Variants in ADGRV1 observed in about 807,000 individuals in gnomAD.
The protein encoded by ADGRV1 is adhesion G protein-coupled receptor V1, also known as G-protein coupled receptor 98.
A neutral mutation model predicts 596.2 loss-of-function variants in ADGRV1; 359 were observed. The observed-to-expected ratio is 0.60, with a 90% CI of 0.55 to 0.66. The LOEUF (loss-of-function observed/expected upper bound fraction) is 0.66, where lower values mean the gene tolerates loss of function less well. Ranked by LOEUF, ADGRV1 falls within the 30% of genes least tolerant of loss-of-function variation. ADGRV1 has a pLI of 0.00. For missense variants in ADGRV1, 7,274 were observed against 7,575.6 expected (o/e 0.96, Z 1.48); for synonymous variants, 2,681 against 2,679.2 (o/e 1.00, Z -0.02).
chr5:90,664,455 A>G (rs960442894), intron 21 of ADGRV1, among the ~76,000 whole-genome samples: 2 of 151,494 alleles, frequency 1.3e-5, no homozygotes, highest in African/African-American at 4.9e-5. Flanking sequence ...ATTTTTGTAC[A>G]TTGATTTTGT....
chr5:90,830,953 T>G (rs7732226), intron 77 of ADGRV1, among the ~76,000 whole-genome samples: 5,869 of 152,232 alleles, frequency 0.039, 400 homozygotes, highest in African/African-American at 0.13. Context: ...GAATTTTTCC[T>G]GTCTGATAGG....
At chr5:90,830,375 A>G (rs1343093489) in intron 77 of ADGRV1, among the ~76,000 whole-genome samples, 1 of 152,188 alleles carries the variant, frequency 6.6e-6, no homozygotes, top group Non-Finnish European at 1.5e-5. Flanking sequence ...AAGATAAATT[A>G]TAGAAGTCTG....
intron 78 of ADGRV1, among the ~76,000 whole-genome samples, chr5:90,842,892 A>G (rs1765555871): frequency 6.6e-6 from 1 of 152,162 alleles, no homozygotes; most frequent in Non-Finnish European, 1.5e-5. Flanking sequence ...CCTTTTTTAT[A>G]TGTACATCAA....
chr5:90,926,432 A>T (rs1481331344), intron 83 of ADGRV1, among the ~76,000 whole-genome samples: 1 of 148,308 alleles, frequency 6.7e-6, no homozygotes, highest in African/African-American at 2.5e-5. Flanking sequence ...AGGTGTTTGT[A>T]GTATTCTCTG....
chr5:90,781,406 T>C (rs1183839613), intron 64 of ADGRV1, 24 bp from the exon 65 acceptor site: 6 of 1,544,608 alleles, frequency 3.9e-6, no homozygotes, highest in Non-Finnish European at 5.3e-6. Flanking sequence ...TTTTATTTTA[T>C]TTTGATTTGT....
chr5:90,683,366 G>A (rs1270781485), intron 27 of ADGRV1, among the ~76,000 whole-genome samples: 2 of 151,988 alleles, frequency 1.3e-5, no homozygotes, highest in Non-Finnish European at 2.9e-5. Flanking sequence ...ATGTGCCACT[G>A]CACTCGGCAT....
chr5:90,931,721 T>G (rs1775269481), intron 83 of ADGRV1, among the ~76,000 whole-genome samples: 2 of 152,224 alleles, frequency 1.3e-5, no homozygotes, highest in South Asian at 4.1e-4. Context: ...TTAATAATGG[T>G]TAATTCCTAC....
In ADGRV1 at chr5:90,983,384, A is replaced by G. The variant is rs535741218; in HGVS notation, c.17974-1960A>G. ...AAGCAGACATTTTGAAAATGTCTCA[A>G]TCTTTATCATGGTGAATCAGCTTAG... On this transcript the variant is annotated intron_variant, in intron 84 of 89. Coordinates refer to ENST00000405460, the MANE Select transcript of ADGRV1 (RefSeq NM_032119.4). Among the ~76,000 whole-genome samples the G allele has an allele frequency of 2.0e-5, 3 of 152,304 alleles. No homozygotes were observed. In the South Asian group the frequency reaches 6.2e-4, roughly 32 times the overall value.
intron 85 of ADGRV1, among the ~76,000 whole-genome samples, chr5:90,987,245 C>T (rs182521412): frequency 1.0e-3 from 153 of 152,180 alleles, no homozygotes; most frequent in African/African-American, 3.1e-3. Flanking sequence ...CTTTGGGAGG[C>T]GGAGACAGGC....
chr5:91,160,484 TACTC>T (rs1238119410), intron 89 of ADGRV1, among the ~76,000 whole-genome samples: 1 of 152,214 alleles, frequency 6.6e-6, no homozygotes. Context: ...ACAGGACTGA[TACTC>T]ACCCTATCCT....
At chr5:91,013,797 G>A (rs1417587804) in intron 85 of ADGRV1, among the ~76,000 whole-genome samples, 1 of 151,840 alleles carries the variant, frequency 6.6e-6, no homozygotes, top group African/African-American at 2.4e-5. Flanking sequence ...TATGTGTAGG[G>A]TGGTATTGCC....
chr5:90,570,356 C>G (rs1756360229), intron 1 of ADGRV1, among the ~76,000 whole-genome samples: 1 of 152,076 alleles, frequency 6.6e-6, no homozygotes, highest in Non-Finnish European at 1.5e-5. Flanking sequence ...TCGTGATTCT[C>G]TCTTTGTCTT....
At position 91,118,343 on chromosome 5, in the gene ADGRV1, A is replaced by T. The variant is rs190496543; in HGVS notation, c.18432+16003A>T. ...AGTCTTTGTGCCACGCTATTATGGG[A>T]TCTATTTAAACAGTTTAAAGTAATT... is the stretch of plus-strand genomic sequence containing the variant. On this transcript the variant is annotated intron_variant, in intron 87 of 89. Coordinates refer to ENST00000405460, the MANE Select transcript of ADGRV1 (RefSeq NM_032119.4). 3.3e-5 allele frequency among the ~76,000 whole-genome samples: 5 copies of T among 152,088 alleles called. No homozygotes were observed. In the East Asian group the frequency reaches 5.8e-4, roughly 18 times the overall value.
At position 90,690,976 on chromosome 5, in the gene ADGRV1, CCT is replaced by C. The variant is rs1561535426; in HGVS notation, c.6887_6888del (p.Pro2296ArgfsTer14). On this transcript the variant is annotated frameshift_variant, in exon 31 of 90. Transcript: ENST00000405460. LOFTEE classifies it high-confidence loss of function. Reference protein sequence around the residue: ...RVVSGNVTFAPGETIQTLLLE... With the variant: ...RVVSGNVTFAXGETIQTLLLE... The stretch of plus-strand genomic sequence containing the variant: ...TGTCTCAGGTAATGTGACCTTTGCC[CCT>C]GGGGAAACCATTCAAACCTTGTTGT... 2 of 1,613,768 alleles carry C rather than the reference CCT, an allele frequency of 1.2e-6. No individual in the cohort carries two copies. The highest frequency in any genetic ancestry group is 1.7e-6 in the Non-Finnish European group (2 of 1,179,772).
chr5:91,081,610 AC>A (rs1789389351), intron 86 of ADGRV1, among the ~76,000 whole-genome samples: 1 of 151,964 alleles, frequency 6.6e-6, no homozygotes, highest in East Asian at 1.9e-4. Context: ...ATAGTGTGAA[AC>A]CCCGTCTCTA....
At chr5:90,845,325 G>C (rs909045818) in intron 78 of ADGRV1, among the ~76,000 whole-genome samples, 1 of 152,192 alleles carries the variant, frequency 6.6e-6, no homozygotes, top group Non-Finnish European at 1.5e-5. Context: ...TTGCTAGAAA[G>C]TGCTGAAAAC....
intron 87 of ADGRV1, among the ~76,000 whole-genome samples, chr5:91,109,425 A>C (rs1284705761): frequency 2.0e-5 from 3 of 152,210 alleles, no homozygotes; most frequent in Non-Finnish European, 4.4e-5. Flanking sequence ...GAGGTTAACA[A>C]ATCCTGATTT....
chr5:90,828,916 G>GC, intron 76 of ADGRV1, 28 bp from the exon 77 acceptor site: 1 of 1,440,848 alleles, frequency 6.9e-7, no homozygotes, highest in Non-Finnish European at 9.3e-7. Context: ...AGTAATAGTT[G>GC]TTTTTTTTTC....
chr5:91,111,643 A>G (rs972917050), intron 87 of ADGRV1, among the ~76,000 whole-genome samples: 2 of 152,208 alleles, frequency 1.3e-5, no homozygotes, highest in African/African-American at 4.8e-5. Flanking sequence ...TTGCTTTCCA[A>G]CAGCCAACAG....
Sources: allele counts gnomAD v4.1 joint callset (sites outside exome capture counted in the v4.1 genomes callset), GRCh38; gene constraint gnomAD v4.1.1; transcripts MANE v1.5; gene names NCBI Gene and HGNC (gene_info 2026-07-23, HGNC 2026-07-21).